Variants in PCDHGA11 observed in about 807,000 individuals in gnomAD.
The protein encoded by PCDHGA11 is protocadherin gamma subfamily A, 11, also known as protocadherin gamma-A11.
Under a neutral mutation model 60.4 loss-of-function variants are expected in PCDHGA11, and 39 were observed. The ratio of observed to expected loss-of-function variants is 0.65; its 90% CI spans 0.50 to 0.84. The LOEUF is 0.84. PCDHGA11 is among the 40% of genes least tolerant of loss of function. PCDHGA11 has a pLI of 0.00. For missense variants in PCDHGA11, 1,165 were observed against 1,197.7 expected (o/e 0.97, Z 0.40); for synonymous variants, 533 against 510.3 (o/e 1.04, Z -0.60).
chr5:141,422,568 C>T lies in PCDHGA11; in HGVS notation c.1341C>T (p.Asn447=), dbSNP rs372115955. The change falls in exon 1 of 4, where the codon AAC becomes AAT. Residue 447 remains asparagine, a synonymous_variant. Transcript: ENST00000398587. ...TCTGGCTGAATGTGGCAGATGACAA[C>T]GATAACCCTCCCGTTTTTCCTCACT... ...THVWLNVADD[N]DNPPVFPHSS... is the part of the protein sequence containing the mutation. 5.6e-5 allele frequency: 91 copies of T among 1,613,904 alleles called. No homozygotes were observed. Among genetic ancestry groups the T allele is most frequent in the Non-Finnish European group, 7.5e-5 (88 of 1,179,922 alleles).
chr5:141,481,780 C>T (rs781334437), intron 1 of PCDHGA11, among the ~76,000 whole-genome samples: 3 of 152,016 alleles, frequency 2.0e-5, no homozygotes, highest in African/African-American at 7.2e-5. Flanking sequence ...GGTGAAACCC[C>T]GTCTCTACTA....
rs2098680935 is a variant in PCDHGA11, at chr5:141,450,471, G to A, written c.2433+26811G>A. 2.0e-5 allele frequency among the ~76,000 whole-genome samples: 3 copies of A among 147,910 alleles called. No homozygotes were observed. In the South Asian group the frequency reaches 6.2e-4, roughly 31 times the overall value. ...GTTTCCTCGTGATTTTATATATAGA[G>A]TTTGTTTGTTTGTTTGTCTGTTTGT... On this transcript the variant is annotated intron_variant, in intron 1 of 3. Transcript: ENST00000398587.
chr5:141,485,229 T>G lies in PCDHGA11; in HGVS notation c.2434-9578T>G, dbSNP rs2099609870. ...ATCTGGCGGTGGGCTACCCTTTTGT[T>G]CCTCTTTTACCACCTGGGTTACGTT... is the stretch of plus-strand genomic sequence containing the variant. On this transcript the variant is annotated intron_variant, in intron 1 of 3. Coordinates refer to ENST00000398587, the MANE Select transcript of PCDHGA11 (RefSeq NM_018914.3). The surrounding 1 kb of genome is among the most constrained non-coding windows in gnomAD (Gnocchi z 5.7). 6.2e-7 allele frequency: 1 copy of G among 1,614,042 alleles called. No individual in the cohort carries two copies. The highest frequency in any genetic ancestry group is 8.5e-7 in the Non-Finnish European group (1 of 1,180,030).
intron 1 of PCDHGA11, among the ~76,000 whole-genome samples, chr5:141,468,963 C>G (rs951670777): frequency 1.3e-5 from 2 of 150,940 alleles, no homozygotes; most frequent in Admixed American, 6.6e-5. Context: ...TTTTTTTTAC[C>G]TTAGGCTTTT....
chr5:141,460,792 A>T (rs1028557260), intron 1 of PCDHGA11, among the ~76,000 whole-genome samples: 30 of 152,012 alleles, frequency 2.0e-4, no homozygotes, highest in Non-Finnish European at 2.9e-5. Context: ...ATATACACAC[A>T]AAGTATATAT....
chr5:141,497,892 C>T (rs2099780275), intron 2 of PCDHGA11, among the ~76,000 whole-genome samples: 1 of 152,138 alleles, frequency 6.6e-6, no homozygotes, highest in Admixed American at 6.6e-5. Flanking sequence ...AGGATCTAGT[C>T]CAGTAACTTC....
At chr5:141,472,176 G>C (rs1416695177) in intron 1 of PCDHGA11, among the ~76,000 whole-genome samples, 3 of 152,144 alleles carry the variant, frequency 2.0e-5, no homozygotes, top group Non-Finnish European at 2.9e-5. Context: ...GTAATATCCA[G>C]TATTGGAATT....
Position 141,487,564 on chromosome 5 carries a change from G to A in PCDHGA11, c.2434-7243G>A, listed in dbSNP as rs1436847912. ...AGTCACCCAGTGCACCTATGGCAGG[G>A]GAGCCTGTTCGCCCAAGCTGCCCAC... On this transcript the variant is annotated intron_variant, in intron 1 of 3. Coordinates refer to ENST00000398587, the MANE Select transcript of PCDHGA11 (RefSeq NM_018914.3). This position sits in a 1 kb window ranked among gnomAD's most constrained non-coding sequence, Gnocchi z 5.0. 3 of 1,614,178 alleles carry A rather than the reference G, an allele frequency of 1.9e-6. No homozygotes were observed. Among genetic ancestry groups the A allele is most frequent in the Non-Finnish European group, 2.5e-6 (3 of 1,180,040 alleles).
chr5:141,481,427 T>C lies in PCDHGA11; in HGVS notation c.2434-13380T>C, dbSNP rs79272909. Reference sequence around the variant, plus strand: ...TTGTATAATTAGATTGTGATGATGATTGTATCAGTTTAGTACATGTAAATA... The same window carrying C: ...TTGTATAATTAGATTGTGATGATGACTGTATCAGTTTAGTACATGTAAATA... On this transcript the variant is annotated intron_variant, in intron 1 of 3. Transcript: ENST00000398587. Among the ~76,000 whole-genome samples the C allele has an allele frequency of 6.0e-3, 907 of 152,334 alleles. 5 individuals are homozygous for C. Among genetic ancestry groups the C allele is most frequent in the African/African-American group, 0.02 (840 of 41,578 alleles).
At chr5:141,508,927 A>C (rs1562237319) in intron 3 of PCDHGA11, among the ~76,000 whole-genome samples, 1 of 151,542 alleles carries the variant, frequency 6.6e-6, no homozygotes. Context: ...TTCCTTTTGG[A>C]GTTAATTAGG....
intron 1 of PCDHGA11, chr5:141,478,520 G>C (rs1474701976): frequency 1.2e-6 from 2 of 1,610,510 alleles, no homozygotes; most frequent in East Asian, 4.5e-5. Context: ...GCAGGTGTTG[G>C]GTGCAGAGAG....
Position 141,477,650 on chromosome 5 carries a change from A to C in PCDHGA11, c.2434-17157A>C. The C allele has an allele frequency of 6.2e-7, 1 of 1,614,210 alleles. No homozygotes were observed. Among genetic ancestry groups the C allele is most frequent in the Non-Finnish European group, 8.5e-7 (1 of 1,180,036 alleles). On this transcript the variant is annotated intron_variant, in intron 1 of 3. Coordinates refer to ENST00000398587, the MANE Select transcript of PCDHGA11 (RefSeq NM_018914.3). The surrounding 1 kb of genome is among the most constrained non-coding windows in gnomAD (Gnocchi z 4.9). The stretch of plus-strand genomic sequence containing the variant: ...CGGGCTAGTGGGTCGCTATTTCACA[A>C]TAAATCGTGACAATGGCATAGTGTC...
At position 141,487,370 on chromosome 5, in the gene PCDHGA11, T is replaced by C; in HGVS notation, c.2434-7437T>C. 6.2e-7 allele frequency: 1 copy of C among 1,614,232 alleles called. No individual in the cohort carries two copies. Among genetic ancestry groups the C allele is most frequent in the South Asian group, 1.1e-5 (1 of 91,080 alleles). On this transcript the variant is annotated intron_variant, in intron 1 of 3. Transcript: ENST00000398587. The surrounding 1 kb of genome is among the most constrained non-coding windows in gnomAD (Gnocchi z 5.0). ...ATGCTTTCCTGCTGGCACCTGTGCC[T>C]GTCTCACCAGATCTCGAAGGAGGGA... is the stretch of plus-strand genomic sequence containing the variant.
rs752088903 is a variant in PCDHGA11, at chr5:141,490,784, G to A, written c.2434-4023G>A. The A allele has an allele frequency of 1.7e-5, 27 of 1,613,906 alleles. No individual in the cohort carries two copies. The highest frequency in any genetic ancestry group is 1.2e-4 in the African/African-American group (9 of 74,922). The stretch of plus-strand genomic sequence containing the variant: ...GTGTATGTCAACCCAGAGGATGGAC[G>A]GATCTTTGCCCAGCGTACCTTTGAC... On this transcript the variant is annotated intron_variant, in intron 1 of 3. Transcript: ENST00000398587. This position sits in a 1 kb window ranked among gnomAD's most constrained non-coding sequence, Gnocchi z 5.4.
At chr5:141,447,824 G>A (rs926580893) in intron 1 of PCDHGA11, among the ~76,000 whole-genome samples, 7 of 152,034 alleles carry the variant, frequency 4.6e-5, no homozygotes, top group Admixed American at 1.3e-4. Flanking sequence ...GGTGGCTCAC[G>A]CCTGTAATCC....
At chr5:141,458,870 C>G (rs540373442) in intron 1 of PCDHGA11, among the ~76,000 whole-genome samples, 1 of 152,264 alleles carries the variant, frequency 6.6e-6, no homozygotes, top group South Asian at 2.1e-4. Flanking sequence ...GTAGCTGGGA[C>G]TACAGGCATG....
chr5:141,495,276 G>A (rs1350329744), intron 2 of PCDHGA11, among the ~76,000 whole-genome samples: 1 of 152,190 alleles, frequency 6.6e-6, no homozygotes, highest in East Asian at 1.9e-4. Flanking sequence ...GACCGGAGGA[G>A]GCGGTCCGCA....
Position 141,432,083 on chromosome 5 carries a change from G to T in PCDHGA11, c.2433+8423G>T, listed in dbSNP as rs1221754474. On this transcript the variant is annotated intron_variant, in intron 1 of 3. Transcript: ENST00000398587. The surrounding 1 kb of genome is among the most constrained non-coding windows in gnomAD (Gnocchi z 6.0). ...CACGGAAACTCATATCTCGCTGAAC[G>T]TGGCAGACACCAACGACAACCCGCC... The T allele has an allele frequency of 1.9e-6, 3 of 1,614,040 alleles. No individual in the cohort carries two copies. The highest frequency in any genetic ancestry group is 2.7e-5 in the African/African-American group (2 of 74,910).
At chr5:141,435,446 G>A (rs889481920) in intron 1 of PCDHGA11, among the ~76,000 whole-genome samples, 12 of 152,060 alleles carry the variant, frequency 7.9e-5, no homozygotes, top group Admixed American at 6.6e-4. Context: ...TCATTAATAC[G>A]ATATCTGTAT....
Sources: allele counts gnomAD v4.1 joint callset (sites outside exome capture counted in the v4.1 genomes callset), GRCh38; gene constraint gnomAD v4.1.1; non-coding constraint Gnocchi (gnomAD v3.1); transcripts MANE v1.5; gene names NCBI Gene and HGNC (gene_info 2026-07-23, HGNC 2026-07-21).